The following EDARADD variants were observed in gnomAD, a reference collection of about 807,000 sequenced individuals.
EDARADD encodes the protein EDAR associated via death domain, also known as ectodysplasin-A receptor-associated adapter protein.
In EDARADD, 20 loss-of-function variants were observed where a neutral mutation model predicts 25.6. The ratio of observed to expected loss-of-function variants is 0.78; its 90% confidence interval spans 0.55 to 1.14. EDARADD has a LOEUF of 1.14. Ranked by LOEUF, EDARADD falls within the 50% of genes most tolerant of loss-of-function variation. EDARADD has a pLI of 0.00. For missense variants in EDARADD, 225 were observed against 270.1 expected, an observed-to-expected ratio of 0.83 and a Z score of 1.17; for synonymous variants, 86 against 94.4, an observed-to-expected ratio of 0.91 and a Z score of 0.52.
intron 3 of EDARADD, among the ~76,000 whole-genome samples, chr1:236,385,809 C>A (rs1468308445): frequency 2.2e-4 from 1 of 4,594 alleles, no homozygotes; most frequent in Non-Finnish European, 4.1e-4. Flanking sequence ...AGTTAGCTCT[C>A]TCCCTCTCCC....
At chr1:236,453,765 C>T (rs979033026) in intron 4 of EDARADD, among the ~76,000 whole-genome samples, 2 of 152,198 alleles carry the variant, frequency 1.3e-5, no homozygotes, top group African/African-American at 4.8e-5. Flanking sequence ...TAAGGGCACT[C>T]TATGATGTTC....
At chr1:236,442,389 G>C (rs745864968) in intron 4 of EDARADD, among the ~76,000 whole-genome samples, 1 of 152,216 alleles carries the variant, frequency 6.6e-6, no homozygotes, top group Non-Finnish European at 1.5e-5. Context: ...GCCTCCCAAA[G>C]TGCTGGGATT....
intron 4 of EDARADD, among the ~76,000 whole-genome samples, chr1:236,452,726 T>C (rs1015267454): frequency 1.3e-5 from 2 of 152,148 alleles, no homozygotes; most frequent in Non-Finnish European, 2.9e-5. Context: ...GCAAGGGTCA[T>C]ACCACCACAT....
intron 3 of EDARADD, among the ~76,000 whole-genome samples, chr1:236,385,219 C>T (rs932658431): frequency 3.4e-5 from 5 of 148,538 alleles, no homozygotes; most frequent in Non-Finnish European, 1.5e-5. Context: ...CCATCCTGGC[C>T]AACACGGTGA....
chr1:236,360,169 A>G (rs1015272919), intron 3 of EDARADD, among the ~76,000 whole-genome samples: 11 of 152,092 alleles, frequency 7.2e-5, no homozygotes, highest in East Asian at 3.9e-4. Context: ...AAATTAAAAA[A>G]AAATTAGTTA....
At chr1:236,448,458 G>A (rs1197993000) in intron 4 of EDARADD, among the ~76,000 whole-genome samples, 2 of 152,196 alleles carry the variant, frequency 1.3e-5, no homozygotes, top group Non-Finnish European at 2.9e-5. Context: ...GGTCAGGGCA[G>A]GCCCACAATG....
chr1:236,356,554 TC>T (rs1666977746), intron 3 of EDARADD, among the ~76,000 whole-genome samples: 1 of 152,180 alleles, frequency 6.6e-6, no homozygotes, highest in African/African-American at 2.4e-5. Context: ...ACCATGATAT[TC>T]TTTGTCTTTT....
At chr1:236,456,089 G>A (rs942583727) in intron 4 of EDARADD, among the ~76,000 whole-genome samples, 4 of 151,620 alleles carry the variant, frequency 2.6e-5, no homozygotes, top group Non-Finnish European at 4.4e-5. Context: ...GCGCCCAGGT[G>A]CCTGTTCCTT....
chr1:236,472,478 G>T (rs1479122452), intron 5 of EDARADD, among the ~76,000 whole-genome samples: 1 of 152,098 alleles, frequency 6.6e-6, no homozygotes, highest in Non-Finnish European at 1.5e-5. Context: ...TGGGGTTGGG[G>T]GTGGAGGCGT....
chr1:236,354,060 G>A (rs1253375345), intron 3 of EDARADD, among the ~76,000 whole-genome samples: 1 of 152,076 alleles, frequency 6.6e-6, no homozygotes, highest in Non-Finnish European at 1.5e-5. Context: ...AAGACACTAA[G>A]CCTTGCCTTT....
At chr1:236,349,416 G>A (rs1035447766) in intron 2 of EDARADD, among the ~76,000 whole-genome samples, 1 of 152,068 alleles carries the variant, frequency 6.6e-6, no homozygotes, top group African/African-American at 2.4e-5. Flanking sequence ...TGCGTGACAT[G>A]TGCCCAAGGT....
Position 236,473,413 on chromosome 1 carries a change from G to T in EDARADD, c.265+5137G>T, listed in dbSNP as rs35071054. 4.7e-3 allele frequency among the ~76,000 whole-genome samples: 711 copies of T among 152,306 alleles called. 5 individuals carry two copies. Among genetic ancestry groups the T allele is most frequent in the Middle Eastern group, 0.014 (4 of 294 alleles). On this transcript the variant is annotated intron_variant, in intron 5 of 5. Coordinates refer to ENST00000334232, the MANE Select transcript of EDARADD (RefSeq NM_145861.4). ...CTGAGCTCAGTGTTCTAGGACGGGC[G>T]TGGGCAGTGAGGAGCAGCAGAGGAG...
intron 4 of EDARADD, among the ~76,000 whole-genome samples, chr1:236,450,209 C>T (rs918648458): frequency 3.3e-5 from 5 of 151,944 alleles, no homozygotes; most frequent in African/African-American, 4.8e-5. Flanking sequence ...TGGCTGAGGA[C>T]GAAGGATCGC....
chr1:236,363,769 G>A (rs1362342031), intron 3 of EDARADD, among the ~76,000 whole-genome samples: 3 of 151,934 alleles, frequency 2.0e-5, no homozygotes, highest in Admixed American at 6.6e-5. Context: ...CTTCTGCCAC[G>A]GTTGTTTCCT....
At chr1:236,380,766 G>A (rs1488933549) in intron 3 of EDARADD, among the ~76,000 whole-genome samples, 9 of 152,104 alleles carry the variant, frequency 5.9e-5, no homozygotes, top group Non-Finnish European at 1.2e-4. Context: ...TAGGCTTAAT[G>A]CAGTGGCTAT....
At chr1:236,410,461 A>G (rs999818664) in intron 2 of EDARADD, among the ~76,000 whole-genome samples, 6 of 151,644 alleles carry the variant, frequency 4.0e-5, no homozygotes, top group Non-Finnish European at 8.8e-5. Flanking sequence ...TTATTTTTCA[A>G]CCTCCCAAGA....
intron 3 of EDARADD, among the ~76,000 whole-genome samples, chr1:236,378,106 A>G (rs115249497): frequency 0.031 from 4,767 of 151,434 alleles, 265 homozygotes; most frequent in African/African-American, 0.11. Flanking sequence ...AGTCCCACCC[A>G]CCCCCCTTTA....
intron 5 of EDARADD, among the ~76,000 whole-genome samples, chr1:236,479,893 T>C (rs894192685): frequency 1.5e-5 from 2 of 137,008 alleles, no homozygotes; most frequent in African/African-American, 5.6e-5. Flanking sequence ...CAAAAAAATT[T>C]AAAAATTGAC....
At chr1:236,446,170 C>T (rs1658532069) in intron 4 of EDARADD, among the ~76,000 whole-genome samples, 1 of 152,192 alleles carries the variant, frequency 6.6e-6, no homozygotes, top group Non-Finnish European at 1.5e-5. Context: ...GTCTTGAGTC[C>T]CTAAGGACCT....
Sources: gnomAD v4.1 joint callset for allele counts (sites outside exome capture counted in the v4.1 genomes callset) on GRCh38, gnomAD v4.1.1 for gene constraint, MANE v1.5 for transcripts, NCBI Gene and HGNC (gene_info 2026-07-23, HGNC 2026-07-21) for gene names.